Variants in GPC5 observed in about 807,000 individuals in gnomAD.
The protein encoded by GPC5 is glypican 5.
Under a neutral mutation model 53.9 loss-of-function variants are expected in GPC5, and 47 were observed. The observed-to-expected ratio is 0.87, with a 90% CI of 0.69 to 1.11. The LOEUF (loss-of-function observed/expected upper bound fraction) is 1.11. Among genes scored for constraint, GPC5 ranks in the 50% most tolerant of loss-of-function variants. GPC5 has a pLI of 0.00. For synonymous variants in GPC5, 286 were observed against 263.3 expected, an observed-to-expected ratio of 1.09 and a Z score of -0.84; for missense variants, 748 against 713.1, an observed-to-expected ratio of 1.05 and a Z score of -0.56.
At chr13:92,847,817 G>A (rs1230800157) in intron 7 of GPC5, among the ~76,000 whole-genome samples, 2 of 152,006 alleles carry the variant, frequency 1.3e-5, no homozygotes, top group Non-Finnish European at 2.9e-5. Context: ...CTATATAGGG[G>A]CTCACCCTAC....
chr13:92,536,120 G>T (rs7981855), intron 7 of GPC5, among the ~76,000 whole-genome samples: 67,483 of 151,838 alleles, frequency 0.44, 15,627 homozygotes, highest in African/African-American at 0.57. Flanking sequence ...AATGTTCAAG[G>T]TTATTTAATG....
intron 3 of GPC5, among the ~76,000 whole-genome samples, chr13:91,708,871 C>G (rs1218183077): frequency 6.6e-6 from 1 of 152,100 alleles, no homozygotes; most frequent in East Asian, 1.9e-4. Flanking sequence ...TTGTTATTCA[C>G]TATGACATAT....
chr13:92,285,548 G>C (rs1287457326), intron 7 of GPC5, among the ~76,000 whole-genome samples: 1 of 152,090 alleles, frequency 6.6e-6, no homozygotes, highest in Non-Finnish European at 1.5e-5. Context: ...CAGAGATATA[G>C]ACCAATGGAA....
chr13:91,782,023 T>G (rs1205943251), intron 5 of GPC5, among the ~76,000 whole-genome samples: 3 of 152,218 alleles, frequency 2.0e-5, no homozygotes, highest in African/African-American at 7.2e-5. Flanking sequence ...GGATAATATA[T>G]TTTAGTTAAA....
At chr13:92,706,295 A>T (rs1887950508) in intron 7 of GPC5, among the ~76,000 whole-genome samples, 1 of 152,108 alleles carries the variant, frequency 6.6e-6, no homozygotes, top group Admixed American at 6.6e-5. Context: ...TTCAAATTTT[A>T]TATGAATTTA....
intron 3 of GPC5, among the ~76,000 whole-genome samples, chr13:91,725,392 C>A (rs1263885457): frequency 6.6e-6 from 1 of 152,070 alleles, no homozygotes; most frequent in Non-Finnish European, 1.5e-5. Flanking sequence ...CAAGAAGGTA[C>A]TAGTATTGAA....
intron 7 of GPC5, among the ~76,000 whole-genome samples, chr13:92,360,507 C>T (rs749243876): frequency 2.0e-4 from 31 of 151,596 alleles, no homozygotes; most frequent in African/African-American, 6.3e-4. Context: ...TATGACAAAC[C>T]GACAGCCAAC....
intron 7 of GPC5, among the ~76,000 whole-genome samples, chr13:92,518,097 G>A (rs985678192): frequency 1.3e-5 from 2 of 151,872 alleles, no homozygotes; most frequent in Middle Eastern, 3.4e-3. Context: ...AAAAAGAAAC[G>A]AACAAAGCCT....
chr13:92,514,459 G>A (rs1880694462), intron 7 of GPC5, among the ~76,000 whole-genome samples: 1 of 152,110 alleles, frequency 6.6e-6, no homozygotes, highest in African/African-American at 2.4e-5. Flanking sequence ...ACCACAGAAA[G>A]AACTACTACT....
chr13:92,242,377 T>C (rs1233507245), intron 7 of GPC5, among the ~76,000 whole-genome samples: 4 of 152,160 alleles, frequency 2.6e-5, no homozygotes, highest in Non-Finnish European at 5.9e-5. Context: ...CAACCCTACT[T>C]GTAGACCATT....
chr13:91,803,702 A>G (rs2038171780), intron 5 of GPC5, among the ~76,000 whole-genome samples: 2 of 151,980 alleles, frequency 1.3e-5, no homozygotes, highest in Non-Finnish European at 2.9e-5. Flanking sequence ...TTAATTGTTG[A>G]ATTAAATTTC....
At chr13:92,109,061 GTT>G (rs35762919) in intron 6 of GPC5, among the ~76,000 whole-genome samples, 2,314 of 87,412 alleles carry the variant, frequency 0.026, 35 homozygotes, top group African/African-American at 0.092. Context: ...CAATATGTTG[GTT>G]TTTTTTTTTT....
At chr13:91,437,467 A>C (rs1880071830) in intron 1 of GPC5, among the ~76,000 whole-genome samples, 1 of 152,188 alleles carries the variant, frequency 6.6e-6, no homozygotes, top group Admixed American at 6.5e-5. Flanking sequence ...GTTGGATATG[A>C]AATTCTGGGT....
At chr13:91,739,731 C>T (rs909054695) in intron 4 of GPC5, among the ~76,000 whole-genome samples, 9 of 151,304 alleles carry the variant, frequency 5.9e-5, no homozygotes, top group African/African-American at 1.5e-4. Context: ...CAGAGGCTGC[C>T]GTCTTATATG....
At chr13:92,172,761 A>G (rs989515670) in intron 7 of GPC5, among the ~76,000 whole-genome samples, 2 of 152,118 alleles carry the variant, frequency 1.3e-5, no homozygotes, top group Non-Finnish European at 2.9e-5. Context: ...ACTCACTGCT[A>G]CTTTATTTCC....
intron 2 of GPC5, among the ~76,000 whole-genome samples, chr13:91,458,859 C>T (rs1373628504): frequency 1.3e-5 from 2 of 152,050 alleles, no homozygotes; most frequent in East Asian, 3.9e-4. Flanking sequence ...CATGTATATA[C>T]CATGGAATAT....
In GPC5 at chr13:91,761,682, A is replaced by T. The variant is rs116434911; in HGVS notation, c.1280+5262A>T. Among the ~76,000 whole-genome samples the T allele has an allele frequency of 5.0e-3, 766 of 152,288 alleles. 8 individuals carry two copies. Among genetic ancestry groups the T allele is most frequent in the African/African-American group, 0.017 (719 of 41,582 alleles). On this transcript the variant is annotated intron_variant, in intron 5 of 7. Transcript: ENST00000377067. The stretch of plus-strand genomic sequence containing the variant: ...GATGAAGAGATGCCTAGGGCAAGGT[A>T]TGGGGCAAGGGGTGATGAGCTTCCG...
intron 5 of GPC5, among the ~76,000 whole-genome samples, chr13:91,871,215 C>A (rs1399436241): frequency 6.6e-6 from 1 of 152,114 alleles, no homozygotes; most frequent in Non-Finnish European, 1.5e-5. Context: ...AGATATTCAA[C>A]CTGTATACAT....
At chr13:92,730,989 C>T (rs1405917239) in intron 7 of GPC5, among the ~76,000 whole-genome samples, 1 of 151,322 alleles carries the variant, frequency 6.6e-6, no homozygotes, top group East Asian at 1.9e-4. Flanking sequence ...TCAGATGACT[C>T]CAGAGATGAG....
Sources: gnomAD v4.1 joint callset for allele counts (sites outside exome capture counted in the v4.1 genomes callset) on GRCh38, gnomAD v4.1.1 for gene constraint, MANE v1.5 for transcripts, NCBI Gene and HGNC (gene_info 2026-07-23, HGNC 2026-07-21) for gene names.